EIF4EBP1: variants seen among roughly 807,000 people sequenced by gnomAD.
The protein encoded by EIF4EBP1 is eukaryotic translation initiation factor 4E-binding protein 1.
EIF4EBP1 carries 5 observed loss-of-function variants against 9.2 expected under a neutral mutation model. The observed-to-expected ratio is 0.54, with a 90% CI of 0.28 to 1.14. The LOEUF (loss-of-function observed/expected upper bound fraction) is 1.14, where lower values mean the gene tolerates loss of function less well. EIF4EBP1 is among the 50% of genes most tolerant of loss of function. The probability of loss-of-function intolerance (pLI) is 0.09; values close to 1 mark genes in which losing one functional copy is unlikely to be tolerated. For synonymous variants in EIF4EBP1, 62 were observed against 67.0 expected, an observed-to-expected ratio of 0.93 and a Z score of 0.36; for missense variants, 139 against 169.6, an observed-to-expected ratio of 0.82 and a Z score of 1.00.
At chr8:38,053,905 G>A (rs759484618) in intron 1 of EIF4EBP1, among the ~76,000 whole-genome samples, 1 of 152,136 alleles carries the variant, frequency 6.6e-6, no homozygotes, top group Non-Finnish European at 1.5e-5. Flanking sequence ...GAGGGAGTGG[G>A]GAAGGGGAGT....
At chr8:38,037,107 T>C (rs894258552) in intron 1 of EIF4EBP1, among the ~76,000 whole-genome samples, 4 of 151,746 alleles carry the variant, frequency 2.6e-5, no homozygotes, top group African/African-American at 7.3e-5. Flanking sequence ...ATGCCTGGGG[T>C]CTCTCTCCAT....
Position 38,059,941 on chromosome 8 carries a change from C to T in EIF4EBP1, c.*6C>T. ...AGTTTGAGATGGACATTTAAAGCAC[C>T]AGCCATCGTGTGGAGCACTACCAAG... is the stretch of plus-strand genomic sequence containing the variant. On this transcript the variant is annotated 3_prime_UTR_variant, in exon 3 of 3. Coordinates refer to ENST00000338825, the MANE Select transcript of EIF4EBP1 (RefSeq NM_004095.4). 6.2e-7 allele frequency: 1 copy of T among 1,614,152 alleles called. No individual in the cohort carries two copies. The highest frequency in any genetic ancestry group is 8.5e-7 in the Non-Finnish European group (1 of 1,179,962).
intron 1 of EIF4EBP1, among the ~76,000 whole-genome samples, chr8:38,054,044 AGTCACC>A (rs1179164290): frequency 1.3e-4 from 20 of 152,232 alleles, no homozygotes; most frequent in Non-Finnish European, 5.9e-5. Context: ...ATTTTTAAAA[AGTCACC>A]AGGGGCTGAT....
At chr8:38,040,729 A>C (rs1035390946) in intron 1 of EIF4EBP1, among the ~76,000 whole-genome samples, 16 of 152,146 alleles carry the variant, frequency 1.1e-4, no homozygotes, top group African/African-American at 3.6e-4. Flanking sequence ...GTCTAGCTTG[A>C]GTTTTATTTA....
At chr8:38,043,071 AC>A (rs1439788456) in intron 1 of EIF4EBP1, among the ~76,000 whole-genome samples, 1 of 152,204 alleles carries the variant, frequency 6.6e-6, no homozygotes, top group Non-Finnish European at 1.5e-5. Context: ...CATCTCACAC[AC>A]ACGAAAAAAA....
intron 1 of EIF4EBP1, among the ~76,000 whole-genome samples, chr8:38,054,028 A>G (rs1026621710): frequency 6.6e-6 from 1 of 152,174 alleles, no homozygotes; most frequent in African/African-American, 2.4e-5. Context: ...TGTGTATTTC[A>G]CCACAATTTT....
chr8:38,041,716 T>C (rs1809383097), intron 1 of EIF4EBP1, among the ~76,000 whole-genome samples: 1 of 152,150 alleles, frequency 6.6e-6, no homozygotes, highest in South Asian at 2.1e-4. Flanking sequence ...CAAGGTCGGG[T>C]GCAGTAGCTC....
intron 1 of EIF4EBP1, among the ~76,000 whole-genome samples, chr8:38,032,270 T>C (rs1809236220): frequency 7.0e-6 from 1 of 143,412 alleles, no homozygotes; most frequent in African/African-American, 3.0e-5. Flanking sequence ...GCCAGCATTT[T>C]GGGGAGCCAA....
chr8:38,037,669 G>A (rs921259853), intron 1 of EIF4EBP1, among the ~76,000 whole-genome samples: 4 of 152,086 alleles, frequency 2.6e-5, no homozygotes, highest in Admixed American at 6.6e-5. Flanking sequence ...TAATGATGAC[G>A]TTTAAATTTC....
At chr8:38,049,221 G>T (rs544331133) in intron 1 of EIF4EBP1, among the ~76,000 whole-genome samples, 1 of 152,158 alleles carries the variant, frequency 6.6e-6, no homozygotes, top group East Asian at 1.9e-4. Context: ...GCAGGTTGAA[G>T]TGAATTTTCT....
intron 2 of EIF4EBP1, among the ~76,000 whole-genome samples, chr8:38,058,845 AG>A (rs2130403782): frequency 6.6e-6 from 1 of 152,316 alleles, no homozygotes; most frequent in South Asian, 2.1e-4. Flanking sequence ...GCACTCTGGG[AG>A]GCTGAGGCAG....
chr8:38,043,073 A>G (rs1040203587), intron 1 of EIF4EBP1, among the ~76,000 whole-genome samples: 3 of 152,196 alleles, frequency 2.0e-5, no homozygotes, highest in African/African-American at 7.2e-5. Context: ...TCTCACACAC[A>G]CGAAAAAAAG....
chr8:38,037,005 A>T (rs948216112), intron 1 of EIF4EBP1, among the ~76,000 whole-genome samples: 6 of 147,234 alleles, frequency 4.1e-5, no homozygotes, highest in Admixed American at 2.0e-4. Flanking sequence ...GGTGAGTTTT[A>T]AAAAAAAAAA....
At chr8:38,034,229 G>A (rs9644811) in intron 1 of EIF4EBP1, among the ~76,000 whole-genome samples, 109,477 of 151,460 alleles carry the variant, frequency 0.72, 40,060 homozygotes, top group Middle Eastern at 0.87. Context: ...TTATTTTTTT[G>A]TAGAGGCAGG....
intron 1 of EIF4EBP1, among the ~76,000 whole-genome samples, chr8:38,055,296 C>T (rs1809581191): frequency 6.6e-6 from 1 of 152,106 alleles, no homozygotes; most frequent in African/African-American, 2.4e-5. Flanking sequence ...AGAAATGAAT[C>T]TCAATATGTA....
chr8:38,050,662 C>T (rs560974181), intron 1 of EIF4EBP1, among the ~76,000 whole-genome samples: 15 of 151,814 alleles, frequency 9.9e-5, no homozygotes, highest in Non-Finnish European at 1.8e-4. Flanking sequence ...GCTCAGGCTA[C>T]GGTGCAATGT....
chr8:38,037,229 T>TG (rs1420414550), intron 1 of EIF4EBP1, among the ~76,000 whole-genome samples: 2 of 152,196 alleles, frequency 1.3e-5, no homozygotes, highest in Admixed American at 6.6e-5. Context: ...CATGACCTAA[T>TG]GCCAGGTCTA....
At chr8:38,034,054 G>GC (rs1247649955) in intron 1 of EIF4EBP1, among the ~76,000 whole-genome samples, 1 of 151,334 alleles carries the variant, frequency 6.6e-6, no homozygotes, top group Non-Finnish European at 1.5e-5. Context: ...CCCTTTTTTT[G>GC]TTTTTTTCCT....
At chr8:38,050,392 A>G (rs1278221219) in intron 1 of EIF4EBP1, among the ~76,000 whole-genome samples, 1 of 152,048 alleles carries the variant, frequency 6.6e-6, no homozygotes, top group East Asian at 1.9e-4. Flanking sequence ...TCTGTCAATC[A>G]AACTGGAGTA....
Sources: gnomAD v4.1 joint callset for allele counts (sites outside exome capture counted in the v4.1 genomes callset) on GRCh38, gnomAD v4.1.1 for gene constraint, MANE v1.5 for transcripts, NCBI Gene and HGNC (gene_info 2026-07-23, HGNC 2026-07-21) for gene names.